Variants in MKRN2OS observed in about 807,000 individuals in gnomAD.
MKRN2OS encodes MKRN2 opposite strand, also known as MKRN2 opposite strand protein.
Under a neutral mutation model 18.2 loss-of-function variants are expected in MKRN2OS, and 17 were observed. The observed-to-expected ratio is 0.93, with a 90% CI of 0.64 to 1.40. MKRN2OS has a LOEUF of 1.40. Ranked by LOEUF, MKRN2OS falls within the 40% of genes most tolerant of loss-of-function variation. The probability of loss-of-function intolerance (pLI) is 0.00; values close to 1 mark genes in which losing one functional copy is unlikely to be tolerated. For missense variants in MKRN2OS, 337 were observed against 283.0 expected (o/e 1.19, Z -1.37); for synonymous variants, 121 against 108.5 (o/e 1.12, Z -0.72).
intron 3 of MKRN2OS, among the ~76,000 whole-genome samples, chr3:12,541,294 G>C (rs1020760350): frequency 6.6e-6 from 1 of 152,154 alleles, no homozygotes; most frequent in Admixed American, 6.5e-5. Context: ...TGTGATTTCA[G>C]CTCACTGCAA....
At chr3:12,558,334 T>G (rs1162200491) in intron 1 of MKRN2OS, among the ~76,000 whole-genome samples, 4 of 152,226 alleles carry the variant, frequency 2.6e-5, no homozygotes, top group Non-Finnish European at 4.4e-5. Context: ...GAAGGTGTTT[T>G]GTGAAGACGG....
chr3:12,552,757 T>C (rs563016897), downstream of MKRN2OS, among the ~76,000 whole-genome samples: 161 of 151,636 alleles, frequency 1.1e-3, no homozygotes, highest in African/African-American at 2.8e-3. Context: ...GCATGGTGGC[T>C]CATGCCTGTA....
At position 12,540,348 on chromosome 3, in the gene MKRN2OS, C is replaced by T. The variant is rs745816670; in HGVS notation, c.517G>A (p.Asp173Asn). The T allele has an allele frequency of 9.8e-6, 15 of 1,536,020 alleles. No homozygotes were observed. The African/African-American group carries it at 2.1e-4, about 21-fold the overall frequency. ...TACTTCTCCGTAAATTCACCCTTGT[C>T]CAGTTGCTGTCTACCTTCTGCCATC... Reference protein sequence around the residue: ...VLMAEGRQQLDKGEFTEKYVV... With the variant: ...VLMAEGRQQLNKGEFTEKYVV... The change falls in exon 4 of 4, where the codon GAC becomes AAC. Residue 173 changes from aspartate to asparagine, a missense_variant. By Grantham distance (23) the Asp-to-Asn change is conservative (BLOSUM62 1). Coordinates refer to ENST00000564146, the MANE Select transcript of MKRN2OS (RefSeq NM_001195279.2).
chr3:12,558,310 G>A (rs2058001222), intron 1 of MKRN2OS, among the ~76,000 whole-genome samples: 1 of 152,138 alleles, frequency 6.6e-6, no homozygotes, highest in South Asian at 2.1e-4. Flanking sequence ...ACTTTTACTA[G>A]GTTATTTGTA....
upstream of MKRN2OS, among the ~76,000 whole-genome samples, chr3:12,546,421 G>A (rs896293043): frequency 9.2e-5 from 14 of 151,964 alleles, no homozygotes; most frequent in Admixed American, 8.5e-4. Context: ...ACTCATCTGG[G>A]TGTTAATAAT....
chr3:12,549,488 CCACCT>C (rs1411964519), upstream of MKRN2OS, among the ~76,000 whole-genome samples: 4 of 152,030 alleles, frequency 2.6e-5, no homozygotes, highest in Admixed American at 2.6e-4. Flanking sequence ...AGTGATCCAG[CCACCT>C]CAGCCTCCCA....
At chr3:12,556,937 C>A (rs1318977640) in intron 1 of MKRN2OS, 1 of 434,460 alleles carries the variant, frequency 2.3e-6, no homozygotes, top group African/African-American at 2.1e-5. Context: ...GCAGGGATGC[C>A]GGGACAGCCG....
chr3:12,543,173 C>T lies in MKRN2OS; in HGVS notation c.268+7G>A, dbSNP rs1052830325. On this transcript the variant is annotated splice_region_variant and intron_variant, in intron 2 of 3. Coordinates refer to ENST00000564146, the MANE Select transcript of MKRN2OS (RefSeq NM_001195279.2). Reference sequence around the variant, plus strand: ...AGGGGTTTTTTAAGCTACAAAACTGCACTTACCATTTGTGTTAGTTATTCC... The same window carrying T: ...AGGGGTTTTTTAAGCTACAAAACTGTACTTACCATTTGTGTTAGTTATTCC... The T allele has an allele frequency of 1.3e-6, 2 of 1,535,016 alleles. No individual in the cohort carries two copies. Among genetic ancestry groups the T allele is most frequent in the African/African-American group, 1.4e-5 (1 of 73,110 alleles).
At chr3:12,551,992 C>T (rs1412104078), downstream of MKRN2OS, among the ~76,000 whole-genome samples, 1 of 151,744 alleles carries the variant, frequency 6.6e-6, no homozygotes. Context: ...AGCTATATTA[C>T]ATTTAGTGTA....
chr3:12,547,107 C>CTAAATAAATAAA (rs201096393), upstream of MKRN2OS, among the ~76,000 whole-genome samples: 1 of 151,442 alleles, frequency 6.6e-6, no homozygotes, highest in African/African-American at 2.4e-5. Flanking sequence ...GACCCTGTCT[C>CTAAATAAATAAA]TAAATAAATA....
intron 3 of MKRN2OS, among the ~76,000 whole-genome samples, chr3:12,541,238 TG>T (rs5846775): frequency 1 from 152,160 of 152,168 alleles, 76,076 homozygotes; most frequent in Middle Eastern, 1. Context: ...TTTTTGTTTT[TG>T]GTGAGACGAA....
chr3:12,557,274 G>T (rs1245712946), intron 1 of MKRN2OS: 1 of 1,457,638 alleles, frequency 6.9e-7, no homozygotes, highest in African/African-American at 1.5e-5. Flanking sequence ...AGGCTAGAGC[G>T]GGACTCGGAA....
chr3:12,542,924 T>TA (rs2057835799), intron 2 of MKRN2OS, among the ~76,000 whole-genome samples: 1 of 152,032 alleles, frequency 6.6e-6, no homozygotes, highest in Admixed American at 6.5e-5. Flanking sequence ...TAAAAACCAA[T>TA]AAAAAATGTA....
downstream of MKRN2OS, among the ~76,000 whole-genome samples, chr3:12,553,394 G>A (rs1395356356): frequency 2.0e-5 from 3 of 151,568 alleles, no homozygotes; most frequent in Admixed American, 2.0e-4. Flanking sequence ...TACATTACCA[G>A]TATAAAAGGG....
rs1462322793 is a variant in MKRN2OS at position 12,545,246 on chromosome 3, C to G, written c.218+1G>C. On this transcript the variant is annotated splice_donor_variant, in intron 1 of 3. Coordinates refer to ENST00000564146, the MANE Select transcript of MKRN2OS (RefSeq NM_001195279.2). LOFTEE classifies it high-confidence loss of function. ...ATTTAACACTGTAAAAAACACTGTA[C>G]CTAAGAAATGTCCCCTGAGTTGGTC... 7.2e-6 allele frequency: 11 copies of G among 1,530,700 alleles called. No individual in the cohort carries two copies. Among genetic ancestry groups the G allele is most frequent in the Non-Finnish European group, 8.7e-6 (10 of 1,143,548 alleles). The allele number at this position is 1,530,700 out of a possible 1,614,324, so 94.8% of individuals were successfully genotyped here. A position where few individuals can be genotyped will look rare whatever the true frequency, so the allele number is the denominator to read the frequency against.
intron 1 of MKRN2OS, among the ~76,000 whole-genome samples, chr3:12,543,947 G>A (rs1357098050): frequency 6.6e-6 from 1 of 151,628 alleles, no homozygotes; most frequent in African/African-American, 2.4e-5. Context: ...TAAGGAACCA[G>A]AGATACCTGG....
At chr3:12,559,677 G>T (rs980447613) in intron 1 of MKRN2OS, among the ~76,000 whole-genome samples, 1 of 152,136 alleles carries the variant, frequency 6.6e-6, no homozygotes, top group Admixed American at 6.5e-5. Flanking sequence ...GTACAGTTAT[G>T]CTGTCAGTCA....
chr3:12,550,900 A>C (rs977898776), downstream of MKRN2OS, among the ~76,000 whole-genome samples: 1 of 152,218 alleles, frequency 6.6e-6, no homozygotes, highest in African/African-American at 2.4e-5. Flanking sequence ...TACATTCCCT[A>C]GTGGGTACAT....
Position 12,557,324 on chromosome 3 carries a change from G to A in MKRN2OS, n.265-3190C>T, listed in dbSNP as rs879073911. On this transcript the variant is annotated intron_variant and non_coding_transcript_variant, in intron 1 of 1. Coordinates refer to the MKRN2OS transcript ENST00000447550. ...TCGCGGCGGGGCTTTGCGAGGCAGAGCGAGCGCTGCCGCCACAGCCGGGGA... is the reference window on the plus strand; with the variant it reads ...TCGCGGCGGGGCTTTGCGAGGCAGAACGAGCGCTGCCGCCACAGCCGGGGA... 65 of 1,173,410 alleles carry A rather than the reference G, an allele frequency of 5.5e-5. No individual in the cohort carries two copies. The South Asian group carries it at 1.1e-3, about 19-fold the overall frequency. 72.7% of individuals were successfully genotyped at this position (1,173,410 alleles called of 1,614,324 possible). A position where few individuals can be genotyped will look rare whatever the true frequency, so the allele number is the denominator to read the frequency against.
Sources: gnomAD v4.1 joint callset for allele counts (sites outside exome capture counted in the v4.1 genomes callset) on GRCh38, gnomAD v4.1.1 for gene constraint, MANE v1.5 for transcripts, NCBI Gene and HGNC (gene_info 2026-07-23, HGNC 2026-07-21) for gene names.